The following DTWD2 variants were observed in gnomAD, a reference collection of about 807,000 sequenced individuals.
The protein encoded by DTWD2 is DTW motif tRNA-uridine aminocarboxypropyltransferase 2.
DTWD2 carries 39 observed loss-of-function variants against 31.8 expected under a neutral mutation model. That is an observed-to-expected ratio of 1.22 (90% confidence interval 0.95 to 1.60). DTWD2 has a LOEUF of 1.60. DTWD2 is among the 40% of genes most tolerant of loss of function. DTWD2 has a pLI of 0.00. For missense variants in DTWD2, 515 were observed against 381.5 expected, an observed-to-expected ratio of 1.35 and a Z score of -2.92; for synonymous variants, 180 against 142.8, an observed-to-expected ratio of 1.26 and a Z score of -1.86.
intron 2 of DTWD2, among the ~76,000 whole-genome samples, chr5:118,941,930 T>C (rs1754213022): frequency 6.6e-6 from 1 of 152,226 alleles, no homozygotes; most frequent in Non-Finnish European, 1.5e-5. Context: ...TGATGGCCAG[T>C]GATGAAGAGC....
intron 4 of DTWD2, among the ~76,000 whole-genome samples, chr5:118,904,577 C>T (rs1003917490): frequency 2.6e-5 from 4 of 151,882 alleles, no homozygotes; most frequent in African/African-American, 4.8e-5. Flanking sequence ...TTACATAAGA[C>T]GGGTACATAG....
intron 4 of DTWD2, among the ~76,000 whole-genome samples, chr5:118,909,063 A>C (rs940971078): frequency 5.3e-5 from 8 of 152,198 alleles, no homozygotes; most frequent in Non-Finnish European, 1.0e-4. Context: ...TTCCCTTCAC[A>C]AGAGAAAAGA....
At chr5:118,870,732 G>A (rs1752482853) in intron 4 of DTWD2, among the ~76,000 whole-genome samples, 1 of 152,062 alleles carries the variant, frequency 6.6e-6, no homozygotes, top group Non-Finnish European at 1.5e-5. Context: ...CAATTTCATA[G>A]AATAAGACAA....
chr5:118,912,680 C>T (rs1264361675), intron 4 of DTWD2, among the ~76,000 whole-genome samples: 1 of 152,214 alleles, frequency 6.6e-6, no homozygotes, highest in African/African-American at 2.4e-5. Context: ...CAGGTATTCT[C>T]CATCTCAGTC....
chr5:118,916,970 CTG>C (rs1414008387), intron 4 of DTWD2, among the ~76,000 whole-genome samples: 1 of 152,130 alleles, frequency 6.6e-6, no homozygotes, highest in Non-Finnish European at 1.5e-5. Context: ...ATCAATAAAA[CTG>C]AACCTCATGA....
intron 4 of DTWD2, among the ~76,000 whole-genome samples, chr5:118,859,596 A>T (rs1374819831): frequency 2.0e-5 from 3 of 152,114 alleles, no homozygotes; most frequent in African/African-American, 7.2e-5. Flanking sequence ...ACCAATAATT[A>T]GGTTCATTTG....
rs193298132 is a variant in DTWD2, at chr5:118,869,754, A to T, written c.598-21536T>A. ...TAACTTATAGTTTCTATACAATTTA[A>T]ATATAAATACTCTTCAACTGAGCCA... is the stretch of plus-strand genomic sequence containing the variant. On this transcript the variant is annotated intron_variant, in intron 4 of 5. Transcript: ENST00000510708. Among the ~76,000 whole-genome samples the T allele has an allele frequency of 7.2e-5, 11 of 152,274 alleles. No homozygotes were observed. In the East Asian group the frequency reaches 2.1e-3, roughly 29 times the overall value.
At chr5:118,955,596 ACC>A (rs1213710760) in intron 1 of DTWD2, among the ~76,000 whole-genome samples, 1 of 152,204 alleles carries the variant, frequency 6.6e-6, no homozygotes, top group Non-Finnish European at 1.5e-5. Flanking sequence ...AAAGATTCCT[ACC>A]CTCATGGAGC....
Position 118,837,092 on chromosome 5 carries a change from A to G in DTWD2, c.*3825T>C, listed in dbSNP as rs879018026. Among the ~76,000 whole-genome samples the G allele has an allele frequency of 2.0e-5, 3 of 152,228 alleles. No homozygotes were observed. In the South Asian group the frequency reaches 6.2e-4, roughly 32 times the overall value. ...TATGAGTATTTGTATAAATAACAAC[A>G]GCTAGTACATACAATAAGAATAGTA... On this transcript the variant is annotated 3_prime_UTR_variant, in exon 6 of 6. Coordinates refer to ENST00000510708, the MANE Select transcript of DTWD2 (RefSeq NM_173666.4).
intron 1 of DTWD2, among the ~76,000 whole-genome samples, chr5:118,983,115 A>T (rs1228306164): frequency 2.0e-5 from 3 of 152,212 alleles, no homozygotes; most frequent in Non-Finnish European, 4.4e-5. Context: ...CCAGTTGCTC[A>T]GTCAGACAAC....
rs1554060396 is a variant in DTWD2 at position 118,840,755 on chromosome 5, T to C, written c.*162A>G. 2.9e-6 allele frequency: 2 copies of C among 684,210 alleles called. No homozygotes were observed. The highest frequency in any genetic ancestry group is 7.9e-5 in the South Asian group (2 of 25,304). The allele number at this position is 684,210 out of a possible 1,614,324, so 42.4% of individuals were successfully genotyped here. A position where few individuals can be genotyped will look rare whatever the true frequency, so the allele number is the denominator to read the frequency against. ...AGTGAGCCAGTGAATTTCTGTTTAT[T>C]TGTATTTATGAATATTTGGTTTACT... On this transcript the variant is annotated 3_prime_UTR_variant, in exon 6 of 6. Transcript: ENST00000510708.
At chr5:118,898,317 T>C (rs962699745) in intron 4 of DTWD2, among the ~76,000 whole-genome samples, 1 of 152,088 alleles carries the variant, frequency 6.6e-6, no homozygotes, top group African/African-American at 2.4e-5. Flanking sequence ...AACAAAAAAA[T>C]TAATGTACAA....
chr5:118,887,081 A>C (rs570989138), intron 4 of DTWD2, among the ~76,000 whole-genome samples: 12 of 152,316 alleles, frequency 7.9e-5, no homozygotes, highest in African/African-American at 2.9e-4. Flanking sequence ...ACTAGCAAAA[A>C]AATTTTTCTG....
intron 1 of DTWD2, among the ~76,000 whole-genome samples, chr5:118,981,509 A>G (rs1755300113): frequency 6.6e-6 from 1 of 151,604 alleles, no homozygotes; most frequent in Non-Finnish European, 1.5e-5. Flanking sequence ...CCAATAGTGA[A>G]AAATGAAAAA....
At chr5:118,978,665 C>T (rs1755220804) in intron 1 of DTWD2, among the ~76,000 whole-genome samples, 1 of 152,162 alleles carries the variant, frequency 6.6e-6, no homozygotes, top group Non-Finnish European at 1.5e-5. Context: ...CATATCAAAA[C>T]CACAGTGAGA....
At chr5:118,981,865 A>T (rs1014743194) in intron 1 of DTWD2, among the ~76,000 whole-genome samples, 6 of 152,252 alleles carry the variant, frequency 3.9e-5, no homozygotes, top group African/African-American at 1.2e-4. Context: ...AAGAATCTTT[A>T]GATTAGAAGA....
At position 118,840,971 on chromosome 5, in the gene DTWD2, C is replaced by G. The variant is rs1261401722; in HGVS notation, c.843G>C (p.Lys281Asn). The G allele has an allele frequency of 6.2e-7, 1 of 1,613,536 alleles. No homozygotes were observed. Among genetic ancestry groups the G allele is most frequent in the African/African-American group, 1.3e-5 (1 of 74,882 alleles). The part of the protein sequence containing the change: ...KNGLYPKPMP[K>N]NKRKLRKMEL... Reference sequence around the variant, plus strand: ...CCATTTTCCTGAGTTTGCGTTTGTTCTTTGGCATTGGTTTAGGATATAATC... The same window carrying G: ...CCATTTTCCTGAGTTTGCGTTTGTTGTTTGGCATTGGTTTAGGATATAATC... The change falls in exon 6 of 6, where the codon AAG (lysine) becomes AAC (asparagine). Residue 281 changes from lysine to asparagine, a missense_variant. Transcript: ENST00000510708.
chr5:118,965,936 A>G (rs1179369979), intron 1 of DTWD2, among the ~76,000 whole-genome samples: 1 of 151,910 alleles, frequency 6.6e-6, no homozygotes, highest in Non-Finnish European at 1.5e-5. Flanking sequence ...TGATCAATAA[A>G]AAAAATAAAT....
At chr5:118,849,433 G>A (rs945559844) in intron 4 of DTWD2, among the ~76,000 whole-genome samples, 4 of 152,188 alleles carry the variant, frequency 2.6e-5, no homozygotes, top group Non-Finnish European at 4.4e-5. Context: ...TGGTGGGACT[G>A]TAAACTAGTT....
Sources: gnomAD v4.1 joint callset for allele counts (sites outside exome capture counted in the v4.1 genomes callset) on GRCh38, gnomAD v4.1.1 for gene constraint, MANE v1.5 for transcripts, NCBI Gene and HGNC (gene_info 2026-07-23, HGNC 2026-07-21) for gene names.